The following AP4E1 variants were observed in gnomAD, a reference collection of about 807,000 sequenced individuals.
AP4E1 encodes AP-4 complex subunit epsilon-1.
In AP4E1, 56 loss-of-function variants were observed where a neutral mutation model predicts 128.2. The observed-to-expected ratio is 0.44, with a 90% CI of 0.35 to 0.55. The LOEUF (loss-of-function observed/expected upper bound fraction) is 0.55. Among genes scored for constraint, AP4E1 ranks in the 20% least tolerant of loss-of-function variants. The probability of loss-of-function intolerance (pLI) is 0.00; values close to 1 mark genes in which losing one functional copy is unlikely to be tolerated. For synonymous variants in AP4E1, 484 were observed against 473.1 expected (o/e 1.02, Z -0.30); for missense variants, 1,324 against 1,307.7 (o/e 1.01, Z -0.19).
At position 50,958,508 on chromosome 15, in the gene AP4E1, C is replaced by G. The variant is rs763865916; in HGVS notation, c.1565C>G (p.Ser522Cys). 6.2e-7 allele frequency: 1 copy of G among 1,611,916 alleles called. No individual in the cohort carries two copies. Among genetic ancestry groups the G allele is most frequent in the African/African-American group, 1.3e-5 (1 of 74,936 alleles). ...TATTTACAGGTATTAGGGGAATATTCCTACCTCTTAGATAAGGAAACGCCA... is the reference window on the plus strand; with the variant it reads ...TATTTACAGGTATTAGGGGAATATTGCTACCTCTTAGATAAGGAAACGCCA... The part of the protein sequence containing the change: ...QVMSWVLGEY[S>C]YLLDKETPEE... The change falls in exon 14 of 21, where the codon TCC becomes TGC. Residue 522 changes from serine (S) to cysteine (C), a missense_variant. By Grantham distance (112) the Ser-to-Cys change is moderately radical (BLOSUM62 -1). Coordinates refer to ENST00000261842, the MANE Select transcript of AP4E1 (RefSeq NM_007347.5).
Position 50,950,047 on chromosome 15 carries a change from G to A in AP4E1, c.1430-4G>A. 6.2e-7 allele frequency: 1 copy of A among 1,607,990 alleles called. No homozygotes were observed. The highest frequency in any genetic ancestry group is 8.5e-7 in the Non-Finnish European group (1 of 1,174,730). ...ATTAAAATGGTGTATCAATTTCTTT[G>A]TAGGTTTTGATGATGAAACAGAAGA... On this transcript the variant is annotated splice_polypyrimidine_tract_variant and splice_region_variant and intron_variant, in intron 12 of 20. Coordinates refer to ENST00000261842, the MANE Select transcript of AP4E1 (RefSeq NM_007347.5).
intron 15 of AP4E1, among the ~76,000 whole-genome samples, chr15:50,969,772 C>T (rs1449646762): frequency 1.3e-5 from 2 of 151,618 alleles, no homozygotes; most frequent in Admixed American, 6.6e-5. Context: ...CATTCTCCTG[C>T]CTCAGCCTCC....
At chr15:50,944,858 A>G in intron 10 of AP4E1, 1 of 771,884 alleles carries the variant, frequency 1.3e-6, no homozygotes, top group South Asian at 1.5e-5. Flanking sequence ...ATGGTCACCA[A>G]GATGGAGTCA....
chr15:50,982,016 C>T (rs1418024943), intron 15 of AP4E1, among the ~76,000 whole-genome samples: 1 of 129,578 alleles, frequency 7.7e-6, no homozygotes, highest in African/African-American at 3.0e-5. Context: ...ACACGGGAGG[C>T]GGAGGTTGTG....
intron 19 of AP4E1, among the ~76,000 whole-genome samples, chr15:51,000,030 A>G (rs1315541071): frequency 6.6e-6 from 1 of 151,970 alleles, no homozygotes; most frequent in East Asian, 1.9e-4. Context: ...CATTAAAAAT[A>G]TGAAGGCTGC....
chr15:50,959,232 A>G (rs2064276892), intron 14 of AP4E1, among the ~76,000 whole-genome samples: 1 of 152,102 alleles, frequency 6.6e-6, no homozygotes, highest in South Asian at 2.1e-4. Context: ...AAAAGATTCA[A>G]TCTAAAAAGA....
At chr15:50,938,766 CCT>C (rs372196029) in intron 8 of AP4E1, among the ~76,000 whole-genome samples, 1 of 152,154 alleles carries the variant, frequency 6.6e-6, no homozygotes, top group African/African-American at 2.4e-5. Flanking sequence ...ATGAGGTACC[CCT>C]CTCTCTCCCA....
chr15:50,934,766 T>G, intron 8 of AP4E1, 69 bp downstream of exon 8: 1 of 1,011,818 alleles, frequency 9.9e-7, no homozygotes, highest in Admixed American at 1.8e-5. Flanking sequence ...TAAATCTGTG[T>G]TAGAATGCTA....
intron 1 of AP4E1, among the ~76,000 whole-genome samples, chr15:50,911,805 T>G (rs1383398574): frequency 6.6e-6 from 1 of 152,150 alleles, no homozygotes; most frequent in East Asian, 1.9e-4. Context: ...AAAAAAACAT[T>G]TTCTGCTATT....
At chr15:50,912,033 T>C (rs747507581) in intron 1 of AP4E1, 45 bp from the exon 2 acceptor site, 1 of 1,458,880 alleles carries the variant, frequency 6.9e-7, no homozygotes. Context: ...TGTTACAGTT[T>C]TAAAAGACAG....
chr15:50,988,363 G>A (rs1388125641), intron 16 of AP4E1, among the ~76,000 whole-genome samples: 2 of 151,464 alleles, frequency 1.3e-5, no homozygotes, highest in East Asian at 3.9e-4. Flanking sequence ...TGCCTAGGCT[G>A]GAGTGCAGTG....
Position 50,925,176 on chromosome 15 carries a change from C to T in AP4E1, c.499C>T (p.Pro167Ser). 6.2e-7 allele frequency: 1 copy of T among 1,613,686 alleles called. No homozygotes were observed. The highest frequency in any genetic ancestry group is 1.3e-5 in the African/African-American group (1 of 75,042). The change falls in exon 5 of 21, where the codon CCA (proline) becomes TCA (serine). Residue 167 changes from proline to serine, a missense_variant. Transcript: ENST00000261842. Reference sequence around the variant, plus strand: ...CCAGATTTTCCCCTGCGAAATGATTCCAGCTGTTCTTCCATTAATAGAAGA... The same window carrying T: ...CCAGATTTTCCCCTGCGAAATGATTTCAGCTGTTCTTCCATTAATAGAAGA... ...VSQIFPCEMI[P>S]AVLPLIEDKL...
upstream of AP4E1, chr15:50,908,487 G>A: frequency 3.0e-6 from 1 of 329,652 alleles, no homozygotes; most frequent in Non-Finnish European, 5.4e-6. Flanking sequence ...GCTTCCTCAG[G>A]AGGACTCACG....
At position 50,948,010 on chromosome 15, in the gene AP4E1, CT is replaced by C; in HGVS notation, c.1177-7del. ...TATAATATTGTTTTTAATTTTTCTT[CT>C]TTAAATAGACTCTGGAACTTCTTTA... On this transcript the variant is annotated splice_polypyrimidine_tract_variant and intron_variant, in intron 10 of 20. Transcript: ENST00000261842. 1 of 1,577,516 alleles carries C rather than the reference CT, an allele frequency of 6.3e-7. No homozygotes were observed. Among genetic ancestry groups the C allele is most frequent in the Non-Finnish European group, 8.7e-7 (1 of 1,149,150 alleles).
At chr15:50,975,533 ATGT>A (rs2064539536) in intron 15 of AP4E1, among the ~76,000 whole-genome samples, 1 of 149,700 alleles carries the variant, frequency 6.7e-6, no homozygotes, top group Admixed American at 6.7e-5. Flanking sequence ...GGTTTTCCCA[ATGT>A]TGTTTGTTGA....
Position 50,984,060 on chromosome 15 carries a change from T to C in AP4E1, c.2005T>C (p.Ser669Pro). ...FEPYGLSFSS[S>P]GFTGRQSPAG... ...ACCATATGGACTCTCCTTTTCTTCA[T>C]CTGGCTTCACTGGACGACAGTCTCC... is the stretch of plus-strand genomic sequence containing the variant. The change falls in exon 16 of 21, where the codon TCT (serine) becomes CCT (proline). Residue 669 changes from serine (S) to proline (P), a missense_variant. Coordinates refer to ENST00000261842, the MANE Select transcript of AP4E1 (RefSeq NM_007347.5). 1 of 1,613,406 alleles carries C rather than the reference T, an allele frequency of 6.2e-7. No individual in the cohort carries two copies. Among genetic ancestry groups the C allele is most frequent in the African/African-American group, 1.3e-5 (1 of 75,034 alleles).
chr15:50,962,017 A>AAATAAATAC lies in AP4E1; in HGVS notation c.1851+3227_1851+3228insAATACAATA, dbSNP rs1555458826. On this transcript the variant is annotated intron_variant, in intron 14 of 20. Coordinates refer to ENST00000261842, the MANE Select transcript of AP4E1 (RefSeq NM_007347.5). ...TACAACAGCTACAAAATAAATAAAT[A>AAATAAATAC]AATACAATACAATACAATACAATAC... Among the ~76,000 whole-genome samples the AAATAAATAC allele has an allele frequency of 2.4e-3, 360 of 150,966 alleles. 1 individual carries two copies. The highest frequency in any genetic ancestry group is 8.3e-3 in the African/African-American group (343 of 41,158).
At chr15:50,987,226 A>C (rs987211338) in intron 16 of AP4E1, among the ~76,000 whole-genome samples, 1 of 151,660 alleles carries the variant, frequency 6.6e-6, no homozygotes, top group Admixed American at 6.6e-5. Flanking sequence ...GCGGTCTATC[A>C]ATTTTGTTGA....
rs76773389 is a variant in AP4E1 at position 50,980,634 on chromosome 15, C to G, written c.1967-3388C>G. 3.2e-3 allele frequency among the ~76,000 whole-genome samples: 490 copies of G among 152,260 alleles called. 3 individuals are homozygous for G. Among genetic ancestry groups the G allele is most frequent in the African/African-American group, 0.012 (484 of 41,556 alleles). On this transcript the variant is annotated intron_variant, in intron 15 of 20. Coordinates refer to ENST00000261842, the MANE Select transcript of AP4E1 (RefSeq NM_007347.5). ...GTGACACTAAAGGCATTTCAGAGAT[C>G]TCAGAGGCTGCCCTTCTCTTCACAG...
Sources: allele counts gnomAD v4.1 joint callset (sites outside exome capture counted in the v4.1 genomes callset), GRCh38; gene constraint gnomAD v4.1.1; transcripts MANE v1.5; gene names NCBI Gene and HGNC (gene_info 2026-07-23, HGNC 2026-07-21).